The following RCSD1 variants were observed in gnomAD, a reference collection of about 807,000 sequenced individuals.
RCSD1 encodes RCSD domain containing 1.
A neutral mutation model predicts 42.5 loss-of-function variants in RCSD1; 26 were observed. That is an observed-to-expected ratio of 0.61 (90% CI 0.45 to 0.85). The LOEUF is 0.85. RCSD1 is among the 40% of genes least tolerant of loss of function. The probability of loss-of-function intolerance (pLI) is 0.00; values close to 1 mark genes in which losing one functional copy is unlikely to be tolerated. For missense variants in RCSD1, 571 were observed against 528.3 expected (o/e 1.08, Z -0.79); for synonymous variants, 220 against 212.2 (o/e 1.04, Z -0.32).
intron 1 of RCSD1, among the ~76,000 whole-genome samples, chr1:167,680,339 G>C (rs1020428580): frequency 6.6e-5 from 10 of 152,080 alleles, no homozygotes; most frequent in African/African-American, 2.4e-4. Flanking sequence ...ATGGGGGTGA[G>C]TTGAGGGTGT....
chr1:167,703,565 G>T (rs894702520), intron 6 of RCSD1, among the ~76,000 whole-genome samples: 2 of 152,088 alleles, frequency 1.3e-5, no homozygotes, highest in Non-Finnish European at 2.9e-5. Context: ...CTGGTTTCCA[G>T]ACTCACCCTA....
intron 1 of RCSD1, among the ~76,000 whole-genome samples, chr1:167,681,943 C>A (rs745619456): frequency 7.9e-5 from 12 of 152,182 alleles, no homozygotes; most frequent in Non-Finnish European, 1.2e-4. Flanking sequence ...TGGGGCCTCG[C>A]ACTCCTCGGC....
At chr1:167,672,399 T>G (rs1170804249) in intron 1 of RCSD1, among the ~76,000 whole-genome samples, 1 of 152,208 alleles carries the variant, frequency 6.6e-6, no homozygotes, top group Admixed American at 6.5e-5. Flanking sequence ...ATCTTAGAGT[T>G]CTGGAGGTCA....
rs572354245 is a variant in RCSD1 at position 167,694,038 on chromosome 1, A to G, written c.271-61A>G. 5 of 1,548,386 alleles carry G rather than the reference A, an allele frequency of 3.2e-6. No individual in the cohort carries two copies. In the Admixed American group the frequency reaches 5.1e-5, roughly 16 times the overall value. On this transcript the variant is annotated intron_variant, in intron 4 of 6. Transcript: ENST00000367854. ...CCTGAGGCCAGATAACCAACAAGCT[A>G]AAGTAGAGGCTCTGATCTTCTCCCT...
intron 1 of RCSD1, 23 bp from the exon 2 acceptor site, chr1:167,683,876 TG>T: frequency 1.9e-6 from 3 of 1,609,824 alleles, no homozygotes; most frequent in Non-Finnish European, 1.7e-6. Flanking sequence ...GCTGATTAAC[TG>T]TTTCTTCTTC....
In RCSD1 at chr1:167,704,870, C is replaced by T; in HGVS notation, c.*174C>T. On this transcript the variant is annotated 3_prime_UTR_variant, in exon 7 of 7. Transcript: ENST00000367854. Reference sequence around the variant, plus strand: ...TTTCCTGGCCTCCACACCAAACGTTCCCTTGCAGATGGAGACTGAATCTGA... The same window carrying T: ...TTTCCTGGCCTCCACACCAAACGTTTCCTTGCAGATGGAGACTGAATCTGA... 1.7e-6 allele frequency: 1 copy of T among 593,626 alleles called. No homozygotes were observed. The highest frequency in any genetic ancestry group is 3.0e-6 in the Non-Finnish European group (1 of 329,964). 36.8% of individuals were successfully genotyped at this position (593,626 alleles called of 1,614,324 possible).
intron 1 of RCSD1, among the ~76,000 whole-genome samples, chr1:167,666,477 T>C (rs1170670379): frequency 6.6e-6 from 1 of 152,186 alleles, no homozygotes; most frequent in Non-Finnish European, 1.5e-5. Context: ...AGAGAGACAG[T>C]GAGCAGGAAG....
At chr1:167,675,207 GAAAAAAAAAAA>G (rs34426324) in intron 1 of RCSD1, among the ~76,000 whole-genome samples, 6 of 49,148 alleles carry the variant, frequency 1.2e-4, no homozygotes, top group East Asian at 1.2e-3. Context: ...CTCCATCTCG[GAAAAAAAAAAA>G]AAAAAAAAAA....
At position 167,694,313 on chromosome 1, in the gene RCSD1, G is replaced by C; in HGVS notation, c.474+11G>C. 1 of 1,612,172 alleles carries C rather than the reference G, an allele frequency of 6.2e-7. No homozygotes were observed. The highest frequency in any genetic ancestry group is 8.5e-7 in the Non-Finnish European group (1 of 1,179,082). On this transcript the variant is annotated intron_variant, in intron 5 of 6. Coordinates refer to ENST00000367854, the MANE Select transcript of RCSD1 (RefSeq NM_052862.4). ...CCCTGTTACAACAAGGTAAATTCTA[G>C]CTCCAGATTATGGCGGTGTGTCTGT...
At chr1:167,681,541 G>A (rs1659081633) in intron 1 of RCSD1, among the ~76,000 whole-genome samples, 1 of 152,228 alleles carries the variant, frequency 6.6e-6, no homozygotes, top group Non-Finnish European at 1.5e-5. Context: ...AAGCCTCAGA[G>A]TTCTCTCACT....
chr1:167,698,055 C>T (rs1659545296), intron 6 of RCSD1, among the ~76,000 whole-genome samples: 1 of 152,232 alleles, frequency 6.6e-6, no homozygotes, highest in Admixed American at 6.5e-5. Context: ...GTCTTCTGCT[C>T]TTGCCAACTT....
At chr1:167,694,526 C>CTG (rs1246893674) in intron 5 of RCSD1, among the ~76,000 whole-genome samples, 1 of 152,190 alleles carries the variant, frequency 6.6e-6, no homozygotes, top group Non-Finnish European at 1.5e-5. Context: ...CTTGCTGTAA[C>CTG]TGTGCCATTC....
At chr1:167,660,609 A>G (rs1658520484) in intron 1 of RCSD1, among the ~76,000 whole-genome samples, 1 of 152,010 alleles carries the variant, frequency 6.6e-6, no homozygotes, top group South Asian at 2.1e-4. Context: ...AATATGTAGG[A>G]CTATAGGTGC....
intron 1 of RCSD1, among the ~76,000 whole-genome samples, chr1:167,677,496 C>T (rs555613722): frequency 6.6e-6 from 1 of 152,098 alleles, no homozygotes; most frequent in African/African-American, 2.4e-5. Context: ...GATGTTGAAG[C>T]CTTTAATATT....
At chr1:167,670,563 C>T (rs1349820087) in intron 1 of RCSD1, among the ~76,000 whole-genome samples, 1 of 152,202 alleles carries the variant, frequency 6.6e-6, no homozygotes, top group Admixed American at 6.5e-5. Flanking sequence ...CTTTGCTCAC[C>T]CTCCCTGTCT....
rs746331283 is a variant in RCSD1, at chr1:167,685,401, G to T, written c.109-20G>T. 34 of 1,604,716 alleles carry T rather than the reference G, an allele frequency of 2.1e-5. No individual in the cohort carries two copies. Among genetic ancestry groups the T allele is most frequent in the Non-Finnish European group, 2.7e-5 (32 of 1,172,588 alleles). ...GTGCTCTCTTTTTCTCTGTGTGTCT[G>T]TCTGTCGCCCTCCCTCCAGACACCA... On this transcript the variant is annotated intron_variant, in intron 2 of 6. Transcript: ENST00000367854.
At chr1:167,651,535 C>G (rs150399767) in intron 1 of RCSD1, among the ~76,000 whole-genome samples, 1 of 152,196 alleles carries the variant, frequency 6.6e-6, no homozygotes. Context: ...CCTTCTGGGT[C>G]GATAAACTCA....
intron 1 of RCSD1, among the ~76,000 whole-genome samples, chr1:167,654,594 A>G (rs1359909550): frequency 6.6e-6 from 1 of 152,190 alleles, no homozygotes; most frequent in Admixed American, 6.5e-5. Flanking sequence ...GGAGAGATTG[A>G]CAGGGGCCTT....
chr1:167,686,255 C>A (rs933554389), intron 3 of RCSD1, among the ~76,000 whole-genome samples: 28 of 152,244 alleles, frequency 1.8e-4, no homozygotes, highest in African/African-American at 6.5e-4. Flanking sequence ...GGAGGCCAAC[C>A]CCAAAATACA....
Sources: allele counts gnomAD v4.1 joint callset (sites outside exome capture counted in the v4.1 genomes callset), GRCh38; gene constraint gnomAD v4.1.1; transcripts MANE v1.5; gene names NCBI Gene and HGNC (gene_info 2026-07-23, HGNC 2026-07-21).